SMAD9: variants seen among roughly 807,000 people sequenced by gnomAD.
The protein encoded by SMAD9 is SMAD family member 9.
In SMAD9, 36 loss-of-function variants were observed where a neutral mutation model predicts 46.1. That is an observed-to-expected ratio of 0.78 (90% CI 0.60 to 1.03). The LOEUF (loss-of-function observed/expected upper bound fraction) is 1.03. SMAD9 is among the 50% of genes least tolerant of loss of function. The pLI is 0.00. For synonymous variants in SMAD9, 245 were observed against 237.1 expected, an observed-to-expected ratio of 1.03 and a Z score of -0.31; for missense variants, 572 against 599.8, an observed-to-expected ratio of 0.95 and a Z score of 0.48.
intron 3 of SMAD9, among the ~76,000 whole-genome samples, chr13:36,870,125 A>G (rs1260158955): frequency 6.6e-6 from 1 of 152,194 alleles, no homozygotes; most frequent in Non-Finnish European, 1.5e-5. Context: ...TCTGTGAGAA[A>G]CTAACCAGCT....
rs868597606 is a variant in SMAD9, at chr13:36,887,531, C to G, written c.-186-7656G>C. Among the ~76,000 whole-genome samples the G allele has an allele frequency of 8.2e-4, 125 of 151,994 alleles. 5 individuals are homozygous for G. Among genetic ancestry groups the G allele is most frequent in the Admixed American group, 8.2e-3 (125 of 15,248 alleles). On this transcript the variant is annotated intron_variant, in intron 1 of 6. Transcript: ENST00000379826. The stretch of plus-strand genomic sequence containing the variant: ...AGCCATTGCGCCTGGCCGACTTGAT[C>G]ATTTTTAAGTGATCGTCCTAGCTGC...
Position 36,879,166 on chromosome 13 carries a change from C to CT in SMAD9, c.412+111dup, listed in dbSNP as rs796592475. On this transcript the variant is annotated intron_variant, in intron 2 of 6. Transcript: ENST00000379826. Reference sequence around the variant, plus strand: ...ACTGAACCTCCCTCTCCTCTCTTCTCTCTCTCTCTTTTGGGAGAGGTCCCT... The same window carrying CT: ...ACTGAACCTCCCTCTCCTCTCTTCTCTTCTCTCTCTTTTGGGAGAGGTCCCT... 4.5e-5 allele frequency: 42 copies of CT among 934,494 alleles called. No homozygotes were observed. The South Asian group carries it at 4.9e-4, about 11-fold the overall frequency. The allele number at this position is 934,494 out of a possible 1,614,324, so 57.9% of individuals were successfully genotyped here.
intron 1 of SMAD9, among the ~76,000 whole-genome samples, chr13:36,906,403 G>A (rs192776732): frequency 1.4e-3 from 218 of 152,088 alleles, no homozygotes; most frequent in African/African-American, 4.9e-3. Context: ...GCAGTTTCTC[G>A]AGAAATACCT....
chr13:36,908,771 G>T (rs755262297), intron 1 of SMAD9, among the ~76,000 whole-genome samples: 10 of 152,228 alleles, frequency 6.6e-5, no homozygotes, highest in Non-Finnish European at 1.3e-4. Context: ...AACTAATTAT[G>T]GTGGGAGGAG....
intron 1 of SMAD9, among the ~76,000 whole-genome samples, chr13:36,889,030 G>GA (rs2058469970): frequency 6.6e-6 from 1 of 152,224 alleles, no homozygotes; most frequent in Admixed American, 6.5e-5. Context: ...ATCACAATAG[G>GA]AAATTGAGAA....
chr13:36,906,872 T>C (rs769899750), intron 1 of SMAD9, among the ~76,000 whole-genome samples: 2 of 152,066 alleles, frequency 1.3e-5, no homozygotes, highest in South Asian at 2.1e-4. Flanking sequence ...AAAGTAAACG[T>C]AGAATTACCA....
chr13:36,915,785 A>G (rs1042651605), intron 1 of SMAD9, among the ~76,000 whole-genome samples: 10 of 152,186 alleles, frequency 6.6e-5, no homozygotes, highest in Non-Finnish European at 1.3e-4. Context: ...ATCCACCTTA[A>G]TATTTATGCC....
rs558519000 is a variant in SMAD9, at chr13:36,877,660, G to C, written c.412+1618C>G. ...AGCGAAAAGAGTCAAAATGAACCAG[G>C]GAAGAAGGGTGGAAAGCAACTCGCT... On this transcript the variant is annotated intron_variant, in intron 2 of 6. Coordinates refer to ENST00000379826, the MANE Select transcript of SMAD9 (RefSeq NM_001127217.3). Among the ~76,000 whole-genome samples the C allele has an allele frequency of 2.0e-5, 3 of 152,052 alleles. No homozygotes were observed. In the East Asian group the frequency reaches 5.8e-4, roughly 29 times the overall value.
At chr13:36,900,187 A>G (rs989144659) in intron 1 of SMAD9, among the ~76,000 whole-genome samples, 6 of 152,106 alleles carry the variant, frequency 3.9e-5, no homozygotes, top group African/African-American at 1.4e-4. Flanking sequence ...TGTTTTTCCA[A>G]CGTTCTTCAT....
chr13:36,890,227 T>C (rs2058478779), intron 1 of SMAD9, among the ~76,000 whole-genome samples: 1 of 152,190 alleles, frequency 6.6e-6, no homozygotes, highest in African/African-American at 2.4e-5. Flanking sequence ...GATCTCAATA[T>C]ACATTTCTAC....
chr13:36,894,595 A>C (rs1033162533), intron 1 of SMAD9, among the ~76,000 whole-genome samples: 1 of 152,150 alleles, frequency 6.6e-6, no homozygotes. Flanking sequence ...TATAGACTAG[A>C]AACTCTTTCC....
intron 1 of SMAD9, among the ~76,000 whole-genome samples, chr13:36,913,721 CT>C (rs1184952300): frequency 1.3e-5 from 2 of 152,104 alleles, no homozygotes; most frequent in Admixed American, 6.5e-5. Context: ...AAATGTTTGT[CT>C]TTGACAAATA....
In SMAD9 at chr13:36,844,945, GTTTC is replaced by G. The variant is rs1371794929; in HGVS notation, c.*3727_*3730del. 1.3e-5 allele frequency: 2 copies of G among 152,040 alleles called. No homozygotes were observed. Among genetic ancestry groups the G allele is most frequent in the Non-Finnish European group, 2.9e-5 (2 of 68,010 alleles). 9.4% of individuals were successfully genotyped at this position (152,040 alleles called of 1,614,324 possible). ...AAGCATGACTTCACTCAAATAGACA[GTTTC>G]TTTGTTGTTGTTAATCTGTTTTACA... is the stretch of plus-strand genomic sequence containing the variant. On this transcript the variant is annotated 3_prime_UTR_variant, in exon 7 of 7. Coordinates refer to ENST00000379826, the MANE Select transcript of SMAD9 (RefSeq NM_001127217.3).
chr13:36,861,502 G>C (rs949193928), intron 5 of SMAD9, among the ~76,000 whole-genome samples: 1 of 151,740 alleles, frequency 6.6e-6, no homozygotes, highest in Non-Finnish European at 1.5e-5. Flanking sequence ...TTTTAGTAGA[G>C]ACAGAGTTTC....
intron 2 of SMAD9, among the ~76,000 whole-genome samples, chr13:36,877,611 A>G (rs887106385): frequency 1.3e-5 from 2 of 152,176 alleles, no homozygotes; most frequent in Non-Finnish European, 2.9e-5. Flanking sequence ...AAGCTTAGAC[A>G]TTATTGACTT....
chr13:36,893,916 T>C (rs2058508462), intron 1 of SMAD9, among the ~76,000 whole-genome samples: 1 of 152,122 alleles, frequency 6.6e-6, no homozygotes, highest in Non-Finnish European at 1.5e-5. Context: ...TTTTTATAAG[T>C]GTGCTACATA....
At chr13:36,910,924 C>T (rs1177754167) in intron 1 of SMAD9, among the ~76,000 whole-genome samples, 1 of 152,218 alleles carries the variant, frequency 6.6e-6, no homozygotes. Context: ...ACCTACCTAG[C>T]ATGCAGGAGG....
At chr13:36,903,489 T>C (rs2058594857) in intron 1 of SMAD9, among the ~76,000 whole-genome samples, 1 of 152,182 alleles carries the variant, frequency 6.6e-6, no homozygotes, top group Non-Finnish European at 1.5e-5. Flanking sequence ...TGTGTGCAAG[T>C]CAGTCTTTAG....
At chr13:36,909,206 T>C (rs1008149914) in intron 1 of SMAD9, among the ~76,000 whole-genome samples, 1 of 152,214 alleles carries the variant, frequency 6.6e-6, no homozygotes, top group Admixed American at 6.5e-5. Flanking sequence ...AGAACCACTA[T>C]TCCATTGCCT....
Sources: gnomAD v4.1 joint callset for allele counts (sites outside exome capture counted in the v4.1 genomes callset) on GRCh38, gnomAD v4.1.1 for gene constraint, MANE v1.5 for transcripts, NCBI Gene and HGNC (gene_info 2026-07-23, HGNC 2026-07-21) for gene names.